Variants in NADK2 observed in about 807,000 individuals in gnomAD.
NADK2 encodes the protein NAD kinase domain-containing protein 1, mitochondrial.
In NADK2, 35 loss-of-function variants were observed where a neutral mutation model predicts 62.1. The observed-to-expected ratio is 0.56, with a 90% confidence interval of 0.43 to 0.75. The LOEUF is 0.75. Ranked by LOEUF, NADK2 falls within the 30% of genes least tolerant of loss-of-function variation. NADK2 has a pLI of 0.00. For missense variants in NADK2, 439 were observed against 561.3 expected (o/e 0.78, Z 2.20); for synonymous variants, 205 against 207.9 (o/e 0.99, Z 0.12).
At chr5:36,224,519 TGCA>T (rs1318898950) in intron 4 of NADK2, among the ~76,000 whole-genome samples, 1 of 144,930 alleles carries the variant, frequency 6.9e-6, no homozygotes, top group Non-Finnish European at 1.5e-5. Context: ...AGTGCGCCAC[TGCA>T]CTCCAGCCTG....
At position 36,241,916 on chromosome 5, in the gene NADK2, G is replaced by A. The variant is rs1748155900; in HGVS notation, c.-118C>T. 2 of 872,330 alleles carry A rather than the reference G, an allele frequency of 2.3e-6. No homozygotes were observed. 54.0% of individuals were successfully genotyped at this position (872,330 alleles called of 1,614,324 possible). On this transcript the variant is annotated 5_prime_UTR_variant, in exon 1 of 12. Transcript: ENST00000381937. The surrounding 1 kb of genome is among the most constrained non-coding windows in gnomAD (Gnocchi z 4.9). The stretch of plus-strand genomic sequence containing the variant: ...TCTAACTTCGCGCCGGACGGGCAGA[G>A]GTTAAGTGCCAGGACGTGCGTGGCC...
rs1579588850 is a variant in NADK2 at position 36,194,071 on chromosome 5, G to A, written c.*1073C>T. ...GCAAAAATTCTAGGATTACTTATAA[G>A]TAGATCAATAATTAGATAATAATTT... On this transcript the variant is annotated 3_prime_UTR_variant, in exon 12 of 12. Transcript: ENST00000381937. The A allele has an allele frequency of 6.6e-6, 1 of 151,892 alleles. No individual in the cohort carries two copies. Among genetic ancestry groups the A allele is most frequent in the South Asian group, 2.1e-4 (1 of 4,828 alleles). The allele number at this position is 151,892 out of a possible 1,614,324, so 9.4% of individuals were successfully genotyped here. A position where few individuals can be genotyped will look rare whatever the true frequency, so the allele number is the denominator to read the frequency against.
chr5:36,227,783 C>T (rs557382701), intron 1 of NADK2, among the ~76,000 whole-genome samples: 10 of 151,698 alleles, frequency 6.6e-5, no homozygotes, highest in Non-Finnish European at 1.3e-4. Flanking sequence ...TTTTCTGAAT[C>T]ATATAGTCAC....
intron 4 of NADK2, among the ~76,000 whole-genome samples, 159 bp downstream of exon 4, chr5:36,225,383 T>A (rs1419079361): frequency 1.3e-5 from 2 of 152,044 alleles, no homozygotes; most frequent in South Asian, 4.1e-4. Context: ...CCCAAGAATG[T>A]GAACATGGTC....
rs555387931 is a variant in NADK2 at position 36,207,297 on chromosome 5, AG to A, written c.861-33del. 7.0e-4 allele frequency: 1,062 copies of A among 1,513,074 alleles called. 7 individuals are homozygous for A. The African/African-American group carries it at 0.013, about 18-fold the overall frequency. The allele number at this position is 1,513,074 out of a possible 1,614,324, so 93.7% of individuals were successfully genotyped here. On this transcript the variant is annotated intron_variant, in intron 7 of 11. Transcript: ENST00000381937. ...ATTGAGAATATAAAACTGTTTGCTG[AG>A]CTTATGGTTCAAGGTAAATAAGAGA... is the stretch of plus-strand genomic sequence containing the variant.
intron 8 of NADK2, among the ~76,000 whole-genome samples, chr5:36,204,165 T>C (rs1355935897): frequency 6.6e-6 from 1 of 152,174 alleles, no homozygotes; most frequent in Non-Finnish European, 1.5e-5. Flanking sequence ...TAAACGTACC[T>C]AGCACAGTAC....
intron 6 of NADK2, 193 bp from the exon 7 acceptor site, chr5:36,212,115 C>A (rs3761974): frequency 4.6e-6 from 2 of 437,240 alleles, no homozygotes; most frequent in Non-Finnish European, 8.1e-6. Context: ...CCTAAACTTA[C>A]ACCTGTAATG....
At chr5:36,225,700 A>G (rs968420065) in intron 3 of NADK2, 77 bp from the exon 4 acceptor site, 2 of 1,376,198 alleles carry the variant, frequency 1.5e-6, no homozygotes, top group Middle Eastern at 1.8e-4. Context: ...TTTGAAAATC[A>G]GTAGTTTTAA....
At position 36,207,757 on chromosome 5, in the gene NADK2, T is replaced by C. The variant is rs147385209; in HGVS notation, c.861-492A>G. 2.6e-3 allele frequency among the ~76,000 whole-genome samples: 393 copies of C among 152,242 alleles called. 2 individuals are homozygous for C. The highest frequency in any genetic ancestry group is 9.2e-3 in the African/African-American group (381 of 41,564). ...CATGCTAATGTACCTTTTGAATTGG[T>C]AGTAAGCTAACAGAGATTAGATAAT... On this transcript the variant is annotated intron_variant, in intron 7 of 11. Transcript: ENST00000381937.
chr5:36,237,535 TATA>T (rs1329088792), intron 1 of NADK2, among the ~76,000 whole-genome samples: 3 of 152,224 alleles, frequency 2.0e-5, no homozygotes, highest in African/African-American at 7.2e-5. Context: ...GACTTCTTTG[TATA>T]ATATTTTGTA....
At chr5:36,198,646 C>G (rs1343637418) in intron 10 of NADK2, among the ~76,000 whole-genome samples, 3 of 146,924 alleles carry the variant, frequency 2.0e-5, no homozygotes, top group East Asian at 3.9e-4. Context: ...ATATATATAC[C>G]TGATATAAAT....
chr5:36,208,682 T>C lies in NADK2; in HGVS notation c.861-1417A>G, dbSNP rs762658808. 2.3e-4 allele frequency: 351 copies of C among 1,531,674 alleles called. No homozygotes were observed. Among genetic ancestry groups the C allele is most frequent in the Middle Eastern group, 6.7e-4 (4 of 5,990 alleles). 94.9% of individuals were successfully genotyped at this position (1,531,674 alleles called of 1,614,324 possible). A position where few individuals can be genotyped will look rare whatever the true frequency, so the allele number is the denominator to read the frequency against. On this transcript the variant is annotated intron_variant, in intron 7 of 11. Transcript: ENST00000381937. ...ATTGTCCACTGCTACAGCCCAAGAA[T>C]AAGACATTCTAGGTTAGAACAAATA...
chr5:36,227,646 G>C (rs77812706), intron 1 of NADK2, 81 bp from the exon 2 acceptor site: 1 of 665,878 alleles, frequency 1.5e-6, no homozygotes, highest in Non-Finnish European at 2.2e-6. Context: ...TAAAAGCCCC[G>C]TATAAAATAT....
chr5:36,227,777 C>G (rs1747537473), intron 1 of NADK2, among the ~76,000 whole-genome samples: 1 of 151,704 alleles, frequency 6.6e-6, no homozygotes. Context: ...ATTATGTTTT[C>G]TGAATCATAT....
chr5:36,200,236 C>T lies in NADK2; in HGVS notation c.1057G>A (p.Val353Ile). 1 of 1,580,996 alleles carries T rather than the reference C, an allele frequency of 6.3e-7. No individual in the cohort carries two copies. The highest frequency in any genetic ancestry group is 1.2e-5 in the South Asian group (1 of 85,544). Reference protein sequence around the residue: ...NLSLPLNRELVEKVTNEYNES... With the variant: ...NLSLPLNRELIEKVTNEYNES... ...ATCATTTGTCACTGACCTTTCTCTA[C>T]CAATTCTCTGTTCAATGGAAGACTC... The change falls in exon 10 of 12, where the codon GTA (valine) becomes ATA (isoleucine). Residue 353 changes from valine (V) to isoleucine (I), a missense_variant. Physicochemically the swap from Val to Ile is conservative, Grantham distance 29. Coordinates refer to ENST00000381937, the MANE Select transcript of NADK2 (RefSeq NM_001085411.3).
chr5:36,237,328 T>C (rs1747947093), intron 1 of NADK2, among the ~76,000 whole-genome samples: 1 of 151,822 alleles, frequency 6.6e-6, no homozygotes, highest in Non-Finnish European at 1.5e-5. Context: ...TCTCCACAAA[T>C]GCTGTTAGGC....
At position 36,241,820 on chromosome 5, in the gene NADK2, G is replaced by GCCGCA. The variant is rs1748148515; in HGVS notation, c.-23_-22insTGCGG. On this transcript the variant is annotated 5_prime_UTR_variant, in exon 1 of 12. Transcript: ENST00000381937. The surrounding 1 kb of genome is among the most constrained non-coding windows in gnomAD (Gnocchi z 4.9). ...TCATCGTGGGCCGGGCCGCGGCCGC[G>GCCGCA]GGCTTGGGCTCGGGCCCCTTGCCTC... 1 of 1,289,698 alleles carries GCCGCA rather than the reference G, an allele frequency of 7.8e-7. No individual in the cohort carries two copies. Among genetic ancestry groups the GCCGCA allele is most frequent in the African/African-American group, 1.6e-5 (1 of 63,586 alleles). 79.9% of individuals were successfully genotyped at this position (1,289,698 alleles called of 1,614,324 possible).
At chr5:36,227,151 A>G (rs1747513038) in intron 2 of NADK2, among the ~76,000 whole-genome samples, 1 of 152,194 alleles carries the variant, frequency 6.6e-6, no homozygotes, top group African/African-American at 2.4e-5. Flanking sequence ...TATTATTACA[A>G]TGAACACTCA....
Position 36,195,176 on chromosome 5 carries a change from C to T in NADK2, c.1297G>A (p.Asp433Asn), listed in dbSNP as rs775103768. 1 of 1,613,076 alleles carries T rather than the reference C, an allele frequency of 6.2e-7. No individual in the cohort carries two copies. Among genetic ancestry groups the T allele is most frequent in the South Asian group, 1.1e-5 (1 of 90,846 alleles). The change falls in exon 12 of 12, where the codon GAT becomes AAT. Residue 433 changes from aspartate (D) to asparagine (N), a missense_variant. By Grantham distance (23) the Asp-to-Asn change is conservative. Transcript: ENST00000381937. ...AIASMMINKEDELRTVLLEQ is the reference protein window; with the variant it reads ...AIASMMINKENELRTVLLEQ ...TCAAGAAGCACAGTTCGAAGCTCAT[C>T]TTCTTTATTGATCATCATCGAAGCA...
Sources: gnomAD v4.1 joint callset for allele counts (sites outside exome capture counted in the v4.1 genomes callset) on GRCh38, gnomAD v4.1.1 for gene constraint, Gnocchi (gnomAD v3.1) non-coding constraint, MANE v1.5 for transcripts, NCBI Gene and HGNC (gene_info 2026-07-23, HGNC 2026-07-21) for gene names.